Variants in CLINT1 observed in about 807,000 individuals in gnomAD.
The protein encoded by CLINT1 is clathrin interactor 1, also known as clathrin interacting protein localized in the trans-Golgi region.
A neutral mutation model predicts 70.4 loss-of-function variants in CLINT1; 15 were observed. The observed-to-expected ratio is 0.21, with a 90% confidence interval of 0.14 to 0.33. The LOEUF (loss-of-function observed/expected upper bound fraction) is 0.33. Among genes scored for constraint, CLINT1 ranks in the 10% least tolerant of loss-of-function variants. CLINT1 has a pLI of 1.00. For missense variants in CLINT1, 615 were observed against 778.1 expected (o/e 0.79, Z 2.49); for synonymous variants, 227 against 254.7 (o/e 0.89, Z 1.04).
chr5:157,820,592 A>T (rs1206369017), intron 1 of CLINT1, among the ~76,000 whole-genome samples: 1 of 152,238 alleles, frequency 6.6e-6, no homozygotes. Flanking sequence ...GCCTTATTCC[A>T]GGTCATTTAA....
At chr5:157,817,108 G>A (rs1361422901) in intron 2 of CLINT1, among the ~76,000 whole-genome samples, 1 of 151,902 alleles carries the variant, frequency 6.6e-6, no homozygotes, top group African/African-American at 2.4e-5. Context: ...CTGGTACAAT[G>A]GCCCAGATGT....
chr5:157,805,352 A>G (rs913532702), intron 7 of CLINT1, among the ~76,000 whole-genome samples: 1 of 152,114 alleles, frequency 6.6e-6, no homozygotes, highest in African/African-American at 2.4e-5. Flanking sequence ...TTTCATCTCT[A>G]TGGTAAATAA....
At chr5:157,836,805 T>A (rs547254162) in intron 1 of CLINT1, among the ~76,000 whole-genome samples, 10 of 152,346 alleles carry the variant, frequency 6.6e-5, no homozygotes, top group Non-Finnish European at 1.3e-4. Context: ...CAGAAAGGCC[T>A]CCTCTGGCCA....
chr5:157,816,932 T>C (rs1762738183), intron 2 of CLINT1, 102 bp from the exon 3 acceptor site: 1 of 760,684 alleles, frequency 1.3e-6, no homozygotes, highest in African/African-American at 1.8e-5. Flanking sequence ...TTTTTAAAAA[T>C]TAATAAACTT....
chr5:157,836,431 T>C (rs377164503), intron 1 of CLINT1, among the ~76,000 whole-genome samples: 1 of 152,232 alleles, frequency 6.6e-6, no homozygotes. Context: ...TTTATAATCA[T>C]GATTTCAGCC....
At chr5:157,818,072 C>A (rs943421461) in intron 1 of CLINT1, among the ~76,000 whole-genome samples, 2 of 152,084 alleles carry the variant, frequency 1.3e-5, no homozygotes, top group Admixed American at 1.3e-4. Context: ...ATCCTTGAGT[C>A]TTTTTTCATT....
At chr5:157,789,610 A>G (rs1230363057) in intron 10 of CLINT1, 97 bp from the exon 11 acceptor site, 2 of 1,519,340 alleles carry the variant, frequency 1.3e-6, no homozygotes, top group African/African-American at 2.8e-5. Context: ...CATCTGTTCT[A>G]TAAAAATTAT....
intron 6 of CLINT1, chr5:157,809,228 G>A (rs192618970): frequency 8.3e-4 from 128 of 154,000 alleles, no homozygotes; most frequent in Admixed American, 2.9e-3. Context: ...TTATGGCAGT[G>A]AAACTATTCT....
intron 3 of CLINT1, among the ~76,000 whole-genome samples, chr5:157,815,911 A>T (rs447769): frequency 0.85 from 129,428 of 152,238 alleles, 55,237 homozygotes; most frequent in African/African-American, 0.93. Context: ...GGGACCACTG[A>T]CATATAAGCA....
chr5:157,820,720 C>T (rs1182089545), intron 1 of CLINT1, among the ~76,000 whole-genome samples: 2 of 152,030 alleles, frequency 1.3e-5, no homozygotes, highest in Non-Finnish European at 2.9e-5. Context: ...AAAAAGAAAA[C>T]AATCCCTCCG....
intron 8 of CLINT1, 165 bp from the exon 9 acceptor site, chr5:157,795,137 C>T: frequency 3.2e-6 from 2 of 620,946 alleles, no homozygotes; most frequent in Non-Finnish European, 5.8e-6. Context: ...TCACTATGTT[C>T]CCTATGAGCT....
intron 6 of CLINT1, among the ~76,000 whole-genome samples, chr5:157,807,463 A>G (rs1347087835): frequency 1.3e-5 from 2 of 152,122 alleles, no homozygotes; most frequent in African/African-American, 2.4e-5. Flanking sequence ...TGGAAGCTCC[A>G]TATCTGATCA....
intron 1 of CLINT1, among the ~76,000 whole-genome samples, chr5:157,832,453 C>T (rs907956047): frequency 6.6e-6 from 1 of 152,184 alleles, no homozygotes; most frequent in Non-Finnish European, 1.5e-5. Flanking sequence ...TTGATACCAT[C>T]TTTGGGGAAC....
chr5:157,798,625 CAA>C (rs1762130086), intron 8 of CLINT1, among the ~76,000 whole-genome samples: 1 of 151,908 alleles, frequency 6.6e-6, no homozygotes, highest in African/African-American at 2.4e-5. Context: ...CTATAATACA[CAA>C]GTTTTAGAAT....
chr5:157,805,154 A>G (rs1762348732), intron 7 of CLINT1, among the ~76,000 whole-genome samples: 1 of 152,200 alleles, frequency 6.6e-6, no homozygotes, highest in Admixed American at 6.5e-5. Context: ...GTCACCTACA[A>G]TCTGCTGCAT....
At chr5:157,812,912 G>C (rs1291253588) in intron 5 of CLINT1, 151 bp downstream of exon 5, 6 of 666,096 alleles carry the variant, frequency 9.0e-6, no homozygotes, top group African/African-American at 1.8e-5. Flanking sequence ...TGTGATAGTA[G>C]AAGTCAAGAT....
At chr5:157,858,039 T>A (rs1753812042) in intron 1 of CLINT1, among the ~76,000 whole-genome samples, 1 of 152,226 alleles carries the variant, frequency 6.6e-6, no homozygotes, top group African/African-American at 2.4e-5. Flanking sequence ...TTAACCACTG[T>A]TATACCTGAT....
At chr5:157,804,005 C>CACTTGAAT (rs575227762) in intron 7 of CLINT1, among the ~76,000 whole-genome samples, 194 of 150,214 alleles carry the variant, frequency 1.3e-3, no homozygotes, top group African/African-American at 4.7e-3. Flanking sequence ...TGCCAGATCC[C>CACTTGAAT]ACTTGAATCT....
chr5:157,846,396 G>C (rs918492448), intron 1 of CLINT1, among the ~76,000 whole-genome samples: 1 of 152,148 alleles, frequency 6.6e-6, no homozygotes, highest in Non-Finnish European at 1.5e-5. Context: ...ATTCCCTTAA[G>C]CCAAAGCCTA....
Sources: allele counts gnomAD v4.1 joint callset (sites outside exome capture counted in the v4.1 genomes callset), GRCh38; gene constraint gnomAD v4.1.1; transcripts MANE v1.5; gene names NCBI Gene and HGNC (gene_info 2026-07-23, HGNC 2026-07-21).